CWF19L1: variants seen among roughly 807,000 people sequenced by gnomAD.
The protein encoded by CWF19L1 is CWF19-like protein 1.
A neutral mutation model predicts 69.7 loss-of-function variants in CWF19L1; 60 were observed. The observed-to-expected ratio is 0.86, with a 90% CI of 0.70 to 1.07. The LOEUF (loss-of-function observed/expected upper bound fraction) is 1.07. Ranked by LOEUF, CWF19L1 falls within the 50% of genes least tolerant of loss-of-function variation. The pLI is 0.00. For missense variants in CWF19L1, 591 were observed against 638.9 expected (o/e 0.92, Z 0.81); for synonymous variants, 209 against 222.2 (o/e 0.94, Z 0.53).
intron 1 of CWF19L1, 64 bp from the exon 2 acceptor site, chr10:100,262,127 T>A: frequency 6.4e-7 from 1 of 1,559,054 alleles, no homozygotes; most frequent in Non-Finnish European, 8.6e-7. Context: ...GGGTTTGGTA[T>A]ATACTGGTCT....
intron 9 of CWF19L1, 112 bp from the exon 10 acceptor site, chr10:100,243,889 A>C (rs1846717165): frequency 6.2e-6 from 5 of 805,612 alleles, no homozygotes; most frequent in Non-Finnish European, 1.1e-5. Flanking sequence ...CTGGTATACA[A>C]CACTGCCACA....
rs551390564 is a variant in CWF19L1, at chr10:100,257,320, A to T, written c.290-844T>A. 7.6e-4 allele frequency among the ~76,000 whole-genome samples: 81 copies of T among 105,972 alleles called. 1 individual carries two copies. Among genetic ancestry groups the T allele is most frequent in the Non-Finnish European group, 1.2e-3 (70 of 57,218 alleles). The allele number at this position is 105,972 out of a possible 152,430, so 69.5% of individuals were successfully genotyped here. A position where few individuals can be genotyped will look rare whatever the true frequency, so the allele number is the denominator to read the frequency against. On this transcript the variant is annotated intron_variant, in intron 4 of 13. Transcript: ENST00000354105. The stretch of plus-strand genomic sequence containing the variant: ...TTTTTTTTTTTTTTTTTTGAGATGG[A>T]GTCTCGCTCTGTTGCCAGGCTGGAG...
intron 13 of CWF19L1, 67 bp from the exon 14 acceptor site, chr10:100,233,438 A>C: frequency 1.3e-6 from 2 of 1,513,176 alleles, no homozygotes; most frequent in Non-Finnish European, 1.8e-6. Flanking sequence ...ACATCACCCA[A>C]AGGAGGTATG....
chr10:100,234,912 A>G (rs1846382754), intron 13 of CWF19L1, among the ~76,000 whole-genome samples: 1 of 152,218 alleles, frequency 6.6e-6, no homozygotes, highest in Admixed American at 6.5e-5. Context: ...TAAGACCTCA[A>G]GTTTTGAGGT....
chr10:100,253,741 A>G (rs1162242387), intron 5 of CWF19L1: 4 of 452,166 alleles, frequency 8.8e-6, no homozygotes, highest in Non-Finnish European at 1.6e-5. Flanking sequence ...ATGAATGTAG[A>G]AATAGGAACA....
At position 100,233,390 on chromosome 10, in the gene CWF19L1, G is replaced by T; in HGVS notation, c.1473-19C>A. ...GACCTCCCTGCAGAAATAGCACAAA[G>T]AAGTCAAAATGGAAACTATCAGCCT... On this transcript the variant is annotated intron_variant, in intron 13 of 13. Transcript: ENST00000354105. 6 of 1,605,096 alleles carry T rather than the reference G, an allele frequency of 3.7e-6. No individual in the cohort carries two copies. Among genetic ancestry groups the T allele is most frequent in the Non-Finnish European group, 5.1e-6 (6 of 1,175,282 alleles).
chr10:100,253,659 GA>G, intron 5 of CWF19L1, 120 bp from the exon 6 acceptor site: 1 of 614,970 alleles, frequency 1.6e-6, no homozygotes, highest in Non-Finnish European at 2.9e-6. Flanking sequence ...TGGACAGAAG[GA>G]ACTGCACATT....
At chr10:100,261,857 A>G (rs960952916) in intron 2 of CWF19L1, 122 bp downstream of exon 2, 1 of 761,694 alleles carries the variant, frequency 1.3e-6, no homozygotes, top group African/African-American at 1.8e-5. Context: ...TCCTATGCTC[A>G]TGAAGGGAAC....
chr10:100,261,130 A>G, intron 2 of CWF19L1, 86 bp from the exon 3 acceptor site: 1 of 841,848 alleles, frequency 1.2e-6, no homozygotes, highest in Non-Finnish European at 1.9e-6. Context: ...TAGTTATTTA[A>G]TAGTTTCAAA....
chr10:100,250,344 T>C lies in CWF19L1; in HGVS notation c.624-12A>G. On this transcript the variant is annotated splice_polypyrimidine_tract_variant and intron_variant, in intron 6 of 13. Transcript: ENST00000354105. ...GAATGATATGGTTTCTACAACATATTTGAGAGACAAAAAATTGCAAACAAT... is the reference window on the plus strand; with the variant it reads ...GAATGATATGGTTTCTACAACATATCTGAGAGACAAAAAATTGCAAACAAT... 1 of 1,571,286 alleles carries C rather than the reference T, an allele frequency of 6.4e-7. No homozygotes were observed. Among genetic ancestry groups the C allele is most frequent in the South Asian group, 1.1e-5 (1 of 90,116 alleles).
At chr10:100,261,272 AAG>A (rs111681942) in intron 2 of CWF19L1, among the ~76,000 whole-genome samples, 16 of 152,340 alleles carry the variant, frequency 1.1e-4, no homozygotes, top group Non-Finnish European at 1.6e-4. Flanking sequence ...AGAGATGGGT[AAG>A]AGAGAGTCAA....
At chr10:100,241,000 C>CTTTTTTTTTTTTTTTTTTTTT (rs56262807) in intron 10 of CWF19L1, among the ~76,000 whole-genome samples, 6 of 70,608 alleles carry the variant, frequency 8.5e-5, no homozygotes, top group African/African-American at 3.9e-4. Flanking sequence ...CTAATTAAGC[C>CTTTTTTTTTTTTTTTTTTTTT]TTTTTTTTTT....
rs551159671 is a variant in CWF19L1 at position 100,261,269 on chromosome 10, G to A, written c.109-225C>T. ...GGCTGTCAAATTCAAGTTAGAGATG[G>A]GTAAGAGAGAGTCAAGGAACTAAAC... On this transcript the variant is annotated intron_variant, in intron 2 of 13. Coordinates refer to ENST00000354105, the MANE Select transcript of CWF19L1 (RefSeq NM_018294.6). Among the ~76,000 whole-genome samples the A allele has an allele frequency of 2.6e-5, 4 of 152,226 alleles. No individual in the cohort carries two copies. In the East Asian group the frequency reaches 7.7e-4, roughly 29 times the overall value.
chr10:100,262,525 C>T (rs752474604), intron 1 of CWF19L1: 3 of 928,994 alleles, frequency 3.2e-6, no homozygotes, highest in Non-Finnish European at 3.9e-6. Context: ...ACCTACCATA[C>T]GCTAAGTACA....
chr10:100,234,651 G>A (rs549760737), intron 13 of CWF19L1, among the ~76,000 whole-genome samples: 3 of 152,234 alleles, frequency 2.0e-5, no homozygotes, highest in South Asian at 4.1e-4. Context: ...CAGGTTCAAG[G>A]CTCACTCAAA....
In CWF19L1 at chr10:100,244,365, A is replaced by T. The variant is rs538390539; in HGVS notation, c.965-588T>A. Among the ~76,000 whole-genome samples the T allele has an allele frequency of 2.6e-3, 388 of 152,106 alleles. 2 individuals carry two copies. The highest frequency in any genetic ancestry group is 9.1e-3 in the African/African-American group (377 of 41,506). ...CTCGAAGTCAGGCCATTCTTATTTT[A>T]TTTTTTTTGAGACGGAGTCTCGCTC... On this transcript the variant is annotated intron_variant, in intron 9 of 13. Coordinates refer to ENST00000354105, the MANE Select transcript of CWF19L1 (RefSeq NM_018294.6).
At chr10:100,243,100 C>G (rs1846688698) in intron 10 of CWF19L1, among the ~76,000 whole-genome samples, 1 of 152,174 alleles carries the variant, frequency 6.6e-6, no homozygotes, top group Admixed American at 6.5e-5. Flanking sequence ...TATAACCTAG[C>G]AAATCCATTC....
At chr10:100,249,198 G>A in intron 7 of CWF19L1, 1 of 280,748 alleles carries the variant, frequency 3.6e-6, no homozygotes, top group East Asian at 8.1e-5. Context: ...TTAAAGTGAA[G>A]GAAATAAAGG....
intron 11 of CWF19L1, 48 bp downstream of exon 11, chr10:100,237,974 C>G: frequency 6.5e-7 from 1 of 1,545,052 alleles, no homozygotes. Context: ...TTACCAATAT[C>G]AAAGTCCCCA....
Sources: allele counts gnomAD v4.1 joint callset (sites outside exome capture counted in the v4.1 genomes callset), GRCh38; gene constraint gnomAD v4.1.1; transcripts MANE v1.5; gene names NCBI Gene and HGNC (gene_info 2026-07-23, HGNC 2026-07-21).